PPP1CC: variants seen among roughly 807,000 people sequenced by gnomAD.
The protein encoded by PPP1CC is protein phosphatase 1 catalytic subunit gamma, also known as serine/threonine-protein phosphatase PP1-gamma catalytic subunit.
In PPP1CC, 16 loss-of-function variants were observed where a neutral mutation model predicts 38.4. The observed-to-expected ratio is 0.42, with a 90% CI of 0.28 to 0.63. The LOEUF is 0.63. Among genes scored for constraint, PPP1CC ranks in the 30% least tolerant of loss-of-function variants. The pLI is 0.25. For synonymous variants in PPP1CC, 158 were observed against 136.0 expected (o/e 1.16, Z -1.13); for missense variants, 170 against 391.3 (o/e 0.43, Z 4.77).
At chr12:110,713,693 A>G in the PPP1CC span, among the ~76,000 whole-genome samples, 44 of 152,204 alleles carry the variant, frequency 2.9e-4, 1 homozygote, top group East Asian at 8.1e-3. Context: ...GATTTTATTC[A>G]TTTTACATGA....
Position 110,722,347 on chromosome 12 carries a change from C to G in PPP1CC, c.748-78G>C. 6.4e-7 allele frequency: 1 copy of G among 1,570,108 alleles called. No homozygotes were observed. Among genetic ancestry groups the G allele is most frequent in the Non-Finnish European group, 8.7e-7 (1 of 1,146,346 alleles). On this transcript the variant is annotated intron_variant, in intron 5 of 6. Coordinates refer to ENST00000335007, the MANE Select transcript of PPP1CC (RefSeq NM_002710.4). This position sits in a 1 kb window ranked among gnomAD's most constrained non-coding sequence, Gnocchi z 5.4. ...AACCATGTTTCAGTTTCCCATTGAG[C>G]CTGATATCTTGTGTTCCAGAAACAC...
At chr12:110,737,745 G>T (rs928538817) in intron 1 of PPP1CC, among the ~76,000 whole-genome samples, 11 of 151,518 alleles carry the variant, frequency 7.3e-5, no homozygotes, top group African/African-American at 2.7e-4. Context: ...AGGAGTTAAA[G>T]AACAGCCTAG....
chr12:110,738,559 G>A (rs2069974447), intron 1 of PPP1CC, among the ~76,000 whole-genome samples: 1 of 152,206 alleles, frequency 6.6e-6, no homozygotes, highest in African/African-American at 2.4e-5. Context: ...CAGGTTACAG[G>A]TTGTAATAGG....
chr12:110,734,563 G>A (rs1375314635), intron 1 of PPP1CC, among the ~76,000 whole-genome samples: 46 of 152,142 alleles, frequency 3.0e-4, no homozygotes, highest in Non-Finnish European at 5.9e-5. Flanking sequence ...GGCTGGTCTC[G>A]AACTCCCGAC....
downstream of PPP1CC, among the ~76,000 whole-genome samples, chr12:110,716,760 A>G (rs1369097505): frequency 6.6e-6 from 1 of 152,208 alleles, no homozygotes; most frequent in South Asian, 2.1e-4. Context: ...CACAACTGAA[A>G]TACTTACCTG....
At position 110,742,800 on chromosome 12, in the gene PPP1CC, T is replaced by A; in HGVS notation, c.-93A>T. On this transcript the variant is annotated 5_prime_UTR_variant, in exon 1 of 7. Coordinates refer to ENST00000335007, the MANE Select transcript of PPP1CC (RefSeq NM_002710.4). ...TTTCCCACGCCACGAGCAGAGGCGG[T>A]GGTGGCGGCGGTGGCAGCAGCCGCG... 9.0e-7 allele frequency: 1 copy of A among 1,106,578 alleles called. No individual in the cohort carries two copies. Among genetic ancestry groups the A allele is most frequent in the Non-Finnish European group, 1.2e-6 (1 of 851,158 alleles). 68.5% of individuals were successfully genotyped at this position (1,106,578 alleles called of 1,614,324 possible).
chr12:110,726,569 C>T (rs1031211174), intron 3 of PPP1CC: 2 of 152,216 alleles, frequency 1.3e-5, no homozygotes, highest in African/African-American at 2.4e-5. Flanking sequence ...CTCCTTCTTA[C>T]GAAAGGCTGA....
chr12:110,737,497 A>AAAAAAAAAAAAAAAAAAAAAAAAAAAG (rs2069959460), intron 1 of PPP1CC, among the ~76,000 whole-genome samples: 1 of 147,618 alleles, frequency 6.8e-6, no homozygotes, highest in African/African-American at 2.6e-5. Context: ...AAAAAAAAAA[A>AAAAAAAAAAAAAAAAAAAAAAAAAAAG]AAAAGAAAAG....
intron 1 of PPP1CC, among the ~76,000 whole-genome samples, chr12:110,738,077 C>T (rs534259417): frequency 3.2e-4 from 49 of 152,288 alleles, no homozygotes; most frequent in African/African-American, 9.1e-4. Context: ...GAACACATTT[C>T]GGTAATATAC....
At chr12:110,736,089 T>G (rs147160879) in intron 1 of PPP1CC, among the ~76,000 whole-genome samples, 1 of 111,980 alleles carries the variant, frequency 8.9e-6, no homozygotes, top group South Asian at 2.5e-4. Flanking sequence ...ACAAACAAAC[T>G]CCGTCTCAAA....
intron 2 of PPP1CC, 40 bp downstream of exon 2, chr12:110,731,730 A>C: frequency 1.9e-6 from 3 of 1,583,094 alleles, no homozygotes; most frequent in Non-Finnish European, 2.6e-6. Context: ...TCAGTTAATC[A>C]ATCATGTAAC....
chr12:110,722,732 G>C lies in PPP1CC; in HGVS notation c.524-37C>G. On this transcript the variant is annotated intron_variant, in intron 4 of 6. Transcript: ENST00000335007. This position sits in a 1 kb window ranked among gnomAD's most constrained non-coding sequence, Gnocchi z 5.4. ...GGAAAAAAAAAAAATGAAGAAAGCA[G>C]AACTTTTAAAAGGATACTACCCCTT... 1 of 1,530,200 alleles carries C rather than the reference G, an allele frequency of 6.5e-7. No homozygotes were observed. Among genetic ancestry groups the C allele is most frequent in the Non-Finnish European group, 8.9e-7 (1 of 1,129,742 alleles). The allele number at this position is 1,530,200 out of a possible 1,614,324, so 94.8% of individuals were successfully genotyped here.
At chr12:110,735,731 G>C (rs766152087) in intron 1 of PPP1CC, among the ~76,000 whole-genome samples, 1 of 150,940 alleles carries the variant, frequency 6.6e-6, no homozygotes, top group Non-Finnish European at 1.5e-5. Context: ...GCAGTGAGCC[G>C]AGATTGTGCC....
chr12:110,736,091 C>T (rs148825305), intron 1 of PPP1CC, among the ~76,000 whole-genome samples: 110 of 125,878 alleles, frequency 8.7e-4, no homozygotes, highest in East Asian at 1.3e-3. Context: ...AAACAAACTC[C>T]GTCTCAAAAC....
At position 110,720,379 on chromosome 12, in the gene PPP1CC, A is replaced by G. The variant is rs1393569807; in HGVS notation, c.*697T>C. 3 of 521,764 alleles carry G rather than the reference A, an allele frequency of 5.7e-6. No homozygotes were observed. Among genetic ancestry groups the G allele is most frequent in the Non-Finnish European group, 1.0e-5 (3 of 297,504 alleles). 32.3% of individuals were successfully genotyped at this position (521,764 alleles called of 1,614,324 possible). A position where few individuals can be genotyped will look rare whatever the true frequency, so the allele number is the denominator to read the frequency against. ...TATACAACCATACCACCTTGTACTT[A>G]GGGGTGTGTCAAAACATAATTCAAC... On this transcript the variant is annotated 3_prime_UTR_variant, in exon 7 of 7. Coordinates refer to ENST00000335007, the MANE Select transcript of PPP1CC (RefSeq NM_002710.4).
intron 3 of PPP1CC, among the ~76,000 whole-genome samples, chr12:110,727,359 G>C (rs1222075649): frequency 6.6e-6 from 1 of 152,068 alleles, no homozygotes; most frequent in African/African-American, 2.4e-5. Context: ...CACTTTAAGC[G>C]TGGGCCTGCC....
At position 110,720,052 on chromosome 12, in the gene PPP1CC, G is replaced by GT; in HGVS notation, c.*1023dup. The GT allele has an allele frequency of 8.0e-7, 1 of 1,242,444 alleles. No homozygotes were observed. Among genetic ancestry groups the GT allele is most frequent in the East Asian group, 2.5e-5 (1 of 39,404 alleles). 77.0% of individuals were successfully genotyped at this position (1,242,444 alleles called of 1,614,324 possible). On this transcript the variant is annotated 3_prime_UTR_variant, in exon 7 of 7. Transcript: ENST00000335007. Reference sequence around the variant, plus strand: ...TGAGTTCTGTATAAACTGGTGGACAGTAAGTTAGTTCCTTTGTTTTAACTT... The same window carrying GT: ...TGAGTTCTGTATAAACTGGTGGACAGTTAAGTTAGTTCCTTTGTTTTAACTT...
At chr12:110,740,487 C>T (rs926545118) in intron 1 of PPP1CC, among the ~76,000 whole-genome samples, 1 of 151,952 alleles carries the variant, frequency 6.6e-6, no homozygotes, top group Non-Finnish European at 1.5e-5. Context: ...TTACCAACAT[C>T]ATTTAACTTA....
downstream of PPP1CC, among the ~76,000 whole-genome samples, chr12:110,719,163 A>C (rs1413201063): frequency 3.3e-5 from 5 of 152,160 alleles, no homozygotes; most frequent in African/African-American, 1.2e-4. Context: ...TAGTCAAAGA[A>C]GTCTGGGAGA....
Sources: gnomAD v4.1 joint callset for allele counts (sites outside exome capture counted in the v4.1 genomes callset) on GRCh38, gnomAD v4.1.1 for gene constraint, Gnocchi (gnomAD v3.1) non-coding constraint, MANE v1.5 for transcripts, NCBI Gene and HGNC (gene_info 2026-07-23, HGNC 2026-07-21) for gene names.